LHFPL3: variants seen among roughly 807,000 people sequenced by gnomAD.
LHFPL3 encodes LHFPL tetraspan subfamily member 3.
Under a neutral mutation model 19.3 loss-of-function variants are expected in LHFPL3, and 5 were observed. The ratio of observed to expected loss-of-function variants is 0.26; its 90% CI spans 0.14 to 0.54. The LOEUF (loss-of-function observed/expected upper bound fraction) is 0.54. Ranked by LOEUF, LHFPL3 falls within the 20% of genes least tolerant of loss-of-function variation. The probability of loss-of-function intolerance (pLI) is 0.94; values close to 1 mark genes in which losing one functional copy is unlikely to be tolerated. For synonymous variants in LHFPL3, 133 were observed against 126.2 expected, an observed-to-expected ratio of 1.05 and a Z score of -0.36; for missense variants, 249 against 307.4, an observed-to-expected ratio of 0.81 and a Z score of 1.42.
intron 2 of LHFPL3, among the ~76,000 whole-genome samples, chr7:104,753,056 T>C (rs1794207849): frequency 6.6e-6 from 1 of 152,234 alleles, no homozygotes; most frequent in Admixed American, 6.5e-5. Flanking sequence ...CAAGCACATT[T>C]AAGTAAATGC....
intron 1 of LHFPL3, among the ~76,000 whole-genome samples, chr7:104,690,616 T>C (rs1016305786): frequency 6.6e-6 from 1 of 152,230 alleles, no homozygotes; most frequent in African/African-American, 2.4e-5. Context: ...TTCTACCTCA[T>C]TGAAATTTCT....
At chr7:104,582,021 GTAT>G (rs1469904764) in intron 1 of LHFPL3, among the ~76,000 whole-genome samples, 6 of 151,844 alleles carry the variant, frequency 4.0e-5, no homozygotes, top group Admixed American at 3.3e-4. Flanking sequence ...AGCCTTTATG[GTAT>G]TATTATTAGC....
At chr7:104,568,219 C>T (rs1325357574) in intron 1 of LHFPL3, among the ~76,000 whole-genome samples, 1 of 152,176 alleles carries the variant, frequency 6.6e-6, no homozygotes, top group African/African-American at 2.4e-5. Context: ...GAGCTACTGA[C>T]TTGGTAGGTA....
intron 1 of LHFPL3, among the ~76,000 whole-genome samples, chr7:104,705,352 T>G (rs759167105): frequency 1.5e-4 from 23 of 152,206 alleles, no homozygotes; most frequent in Non-Finnish European, 2.9e-4. Context: ...TGTTCGTTAT[T>G]TGTTCTACCA....
chr7:104,413,474 C>T (rs1791569282), intron 1 of LHFPL3, among the ~76,000 whole-genome samples: 2 of 152,152 alleles, frequency 1.3e-5, no homozygotes, highest in African/African-American at 4.8e-5. Context: ...TCATTTAATC[C>T]TCAGAACAAC....
At chr7:104,625,777 C>T (rs896797240) in intron 1 of LHFPL3, among the ~76,000 whole-genome samples, 6 of 152,130 alleles carry the variant, frequency 3.9e-5, no homozygotes, top group Admixed American at 6.5e-5. Context: ...GAAATTTTTA[C>T]GAATTTTTTA....
chr7:104,685,261 T>C (rs1174256789), intron 1 of LHFPL3, among the ~76,000 whole-genome samples: 1 of 152,120 alleles, frequency 6.6e-6, no homozygotes, highest in Non-Finnish European at 1.5e-5. Context: ...GCAGGAGAAT[T>C]GTTTGAGCCC....
intron 1 of LHFPL3, among the ~76,000 whole-genome samples, chr7:104,414,170 T>C (rs1361552039): frequency 1.3e-5 from 2 of 152,000 alleles, no homozygotes; most frequent in Non-Finnish European, 2.9e-5. Context: ...TTAGTATGAA[T>C]AGTAGATGGA....
intron 1 of LHFPL3, among the ~76,000 whole-genome samples, chr7:104,583,616 A>T (rs957264227): frequency 7.9e-5 from 12 of 152,214 alleles, no homozygotes; most frequent in Admixed American, 2.0e-4. Context: ...ATTTACAAGA[A>T]AACAAATAAC....
chr7:104,518,269 G>A (rs1793961078), intron 1 of LHFPL3, among the ~76,000 whole-genome samples: 1 of 152,026 alleles, frequency 6.6e-6, no homozygotes, highest in African/African-American at 2.4e-5. Flanking sequence ...TAAACTTTTT[G>A]CAGCCTTATT....
intron 1 of LHFPL3, among the ~76,000 whole-genome samples, chr7:104,479,646 CT>C (rs1408010156): frequency 6.6e-6 from 1 of 152,194 alleles, no homozygotes; most frequent in African/African-American, 2.4e-5. Context: ...CCTGCCTCGG[CT>C]TCCCAAAGTA....
chr7:104,633,204 G>C (rs1791675325), intron 1 of LHFPL3, among the ~76,000 whole-genome samples: 1 of 152,164 alleles, frequency 6.6e-6, no homozygotes, highest in South Asian at 2.1e-4. Context: ...CTCAATGTCA[G>C]ATAGCCTTTG....
At position 104,666,512 on chromosome 7, in the gene LHFPL3, C is replaced by CTTTTTTTTTTTTTTTTTTTTTTTTTTTTT. The variant is rs71155514; in HGVS notation, c.446-70136_446-70135insTTTTTTTTTTTTTTTTTTTTTTTTTTTTT. ...TTGCTGAAAATGACAGGATTTCATT[C>CTTTTTTTTTTTTTTTTTTTTTTTTTTTTT]TTTTTTTTTTTTTTTTTTTTTTTTT... On this transcript the variant is annotated intron_variant, in intron 1 of 2. Transcript: ENST00000424859. Among the ~76,000 whole-genome samples, 8 of 42,236 alleles carry CTTTTTTTTTTTTTTTTTTTTTTTTTTTTT rather than the reference C, an allele frequency of 1.9e-4. 4 individuals are homozygous for CTTTTTTTTTTTTTTTTTTTTTTTTTTTTT. Among genetic ancestry groups the CTTTTTTTTTTTTTTTTTTTTTTTTTTTTT allele is most frequent in the East Asian group, 1.5e-3 (2 of 1,354 alleles). 27.7% of individuals were successfully genotyped at this position (42,236 alleles called of 152,430 possible).
intron 2 of LHFPL3, among the ~76,000 whole-genome samples, chr7:104,811,225 CCCTCTGTCT>C (rs1200939828): frequency 2.0e-5 from 3 of 149,772 alleles, no homozygotes; most frequent in Non-Finnish European, 4.4e-5. Flanking sequence ...CACAGGGTCT[CCCTCTGTCT>C]CCCAGGAGGG....
chr7:104,393,105 A>G (rs1011331193), intron 1 of LHFPL3, among the ~76,000 whole-genome samples: 1 of 152,196 alleles, frequency 6.6e-6, no homozygotes, highest in Non-Finnish European at 1.5e-5. Context: ...ATGGAAATGA[A>G]AACAATGAGA....
At chr7:104,364,519 C>G (rs1183873174) in intron 1 of LHFPL3, among the ~76,000 whole-genome samples, 1 of 152,144 alleles carries the variant, frequency 6.6e-6, no homozygotes, top group East Asian at 1.9e-4. Flanking sequence ...TCCAAAGAAC[C>G]CAGATCTTCT....
intron 2 of LHFPL3, among the ~76,000 whole-genome samples, chr7:104,879,304 T>A (rs1475313786): frequency 6.6e-6 from 1 of 152,016 alleles, no homozygotes; most frequent in Admixed American, 6.6e-5. Flanking sequence ...TAGTACCAGC[T>A]CCTTGGGAGG....
chr7:104,666,270 A>C (rs1792335706), intron 1 of LHFPL3, among the ~76,000 whole-genome samples: 1 of 151,752 alleles, frequency 6.6e-6, no homozygotes, highest in African/African-American at 2.4e-5. Flanking sequence ...TATTCCTTCT[A>C]TCTAACTGTA....
intron 1 of LHFPL3, among the ~76,000 whole-genome samples, chr7:104,481,694 T>C (rs1007592819): frequency 6.6e-6 from 1 of 152,116 alleles, no homozygotes; most frequent in Non-Finnish European, 1.5e-5. Flanking sequence ...AGGTAGATGG[T>C]TCAGATTTCA....
Sources: gnomAD v4.1 joint callset for allele counts (sites outside exome capture counted in the v4.1 genomes callset) on GRCh38, gnomAD v4.1.1 for gene constraint, MANE v1.5 for transcripts, NCBI Gene and HGNC (gene_info 2026-07-23, HGNC 2026-07-21) for gene names.